PDE10A: variants seen among roughly 807,000 people sequenced by gnomAD.
PDE10A encodes cAMP and cAMP-inhibited cGMP 3',5'-cyclic phosphodiesterase 10A.
PDE10A carries 39 observed loss-of-function variants against 97.7 expected under a neutral mutation model. That is an observed-to-expected ratio of 0.40 (90% CI 0.31 to 0.52). PDE10A has a LOEUF of 0.52. PDE10A is among the 20% of genes least tolerant of loss of function. PDE10A has a pLI of 0.56. For synonymous variants in PDE10A, 371 were observed against 376.8 expected, an observed-to-expected ratio of 0.98 and a Z score of 0.18; for missense variants, 731 against 1,047.8, an observed-to-expected ratio of 0.70 and a Z score of 4.17.
intron 1 of PDE10A, among the ~76,000 whole-genome samples, chr6:165,923,204 G>A (rs766674078): frequency 3.9e-5 from 6 of 152,196 alleles, no homozygotes; most frequent in Non-Finnish European, 7.3e-5. Context: ...TACATGGTTA[G>A]ACAAAAGTAT....
At chr6:165,364,691 A>G (rs1400717141) in intron 18 of PDE10A, among the ~76,000 whole-genome samples, 3 of 152,074 alleles carry the variant, frequency 2.0e-5, no homozygotes, top group Non-Finnish European at 4.4e-5. Flanking sequence ...TGCTTTAACA[A>G]TCATCTTTTC....
At chr6:165,739,137 A>G (rs1792655019) in intron 1 of PDE10A, among the ~76,000 whole-genome samples, 2 of 152,332 alleles carry the variant, frequency 1.3e-5, no homozygotes, top group Admixed American at 6.5e-5. Context: ...AGAACAAAAA[A>G]TCCTAAAATT....
At chr6:165,563,106 C>G (rs1292718686) in intron 1 of PDE10A, among the ~76,000 whole-genome samples, 2 of 140,042 alleles carry the variant, frequency 1.4e-5, no homozygotes, top group Non-Finnish European at 3.0e-5. Context: ...AATTTCAGTA[C>G]TTATTATAAA....
At chr6:165,720,638 C>G (rs1414406303) in intron 1 of PDE10A, among the ~76,000 whole-genome samples, 1 of 152,128 alleles carries the variant, frequency 6.6e-6, no homozygotes, top group African/African-American at 2.4e-5. Flanking sequence ...AAATTAGCAC[C>G]CATCGATCTA....
chr6:165,405,201 C>T (rs557689012), intron 13 of PDE10A, among the ~76,000 whole-genome samples: 2 of 152,258 alleles, frequency 1.3e-5, no homozygotes, highest in South Asian at 2.1e-4. Context: ...TGCACCTCAG[C>T]GTATAGAAGA....
intron 1 of PDE10A, among the ~76,000 whole-genome samples, chr6:165,549,910 T>C (rs1783931475): frequency 6.6e-6 from 1 of 152,238 alleles, no homozygotes; most frequent in African/African-American, 2.4e-5. Flanking sequence ...AAGGATCTAT[T>C]GTAAGAATTA....
intron 1 of PDE10A, among the ~76,000 whole-genome samples, chr6:165,892,584 G>A (rs910697239): frequency 1.3e-5 from 2 of 152,134 alleles, no homozygotes; most frequent in Non-Finnish European, 2.9e-5. Context: ...TTGGACTTCC[G>A]GCTGTGTTGT....
chr6:165,638,027 G>T (rs11964907), intron 1 of PDE10A, among the ~76,000 whole-genome samples: 1 of 151,964 alleles, frequency 6.6e-6, no homozygotes, highest in African/African-American at 2.4e-5. Context: ...CTCGCCTGCC[G>T]TTAGCAGATG....
chr6:165,725,324 A>G (rs1363527995), intron 1 of PDE10A, among the ~76,000 whole-genome samples: 1 of 152,218 alleles, frequency 6.6e-6, no homozygotes, highest in Non-Finnish European at 1.5e-5. Flanking sequence ...TGGCAAAACA[A>G]AAAGAGCGCC....
At chr6:165,391,349 T>C (rs1368850460) in intron 16 of PDE10A, among the ~76,000 whole-genome samples, 3 of 152,236 alleles carry the variant, frequency 2.0e-5, no homozygotes. Flanking sequence ...TCAATATGTA[T>C]CAACAAAGTT....
chr6:165,472,482 T>C (rs569652143), intron 3 of PDE10A, among the ~76,000 whole-genome samples: 1 of 152,182 alleles, frequency 6.6e-6, no homozygotes, highest in Admixed American at 6.5e-5. Context: ...TTTCTTCTCA[T>C]ATTTCATTAA....
At chr6:165,902,082 T>C (rs373221310) in intron 1 of PDE10A, among the ~76,000 whole-genome samples, 1 of 67,740 alleles carries the variant, frequency 1.5e-5, no homozygotes, top group Admixed American at 1.7e-4. Context: ...CCAAATTGAA[T>C]AAAAACAAAT....
chr6:165,822,546 G>A (rs963568007), intron 1 of PDE10A, among the ~76,000 whole-genome samples: 1 of 152,240 alleles, frequency 6.6e-6, no homozygotes, highest in African/African-American at 2.4e-5. Flanking sequence ...AATACTTCAG[G>A]CAGTTGTAAC....
chr6:165,418,776 A>G lies in PDE10A; in HGVS notation c.1655T>C (p.Ile552Thr). The change falls in exon 11 of 22, where the codon ATA becomes ACA. Residue 552 changes from isoleucine (I) to threonine (T), a missense_variant and splice_region_variant. Coordinates refer to ENST00000539869, the MANE Select transcript of PDE10A (RefSeq NM_001385079.1). The surrounding 1 kb of genome is among the most constrained non-coding windows in gnomAD (Gnocchi z 4.8). Reference protein sequence around the residue: ...AIDSLLEHIMIYAKNLVNADR... With the variant: ...AIDSLLEHIMTYAKNLVNADR... ...GGCATTCACCAGGTTTTTTGCATAT[A>G]TCTAAAGACAAATGACAAAATAAGA... 6.2e-7 allele frequency: 1 copy of G among 1,612,162 alleles called. No homozygotes were observed. The highest frequency in any genetic ancestry group is 8.5e-7 in the Non-Finnish European group (1 of 1,179,224).
chr6:165,709,296 C>CCCA, intron 1 of PDE10A, among the ~76,000 whole-genome samples: 1 of 145,216 alleles, frequency 6.9e-6, no homozygotes, highest in Admixed American at 6.8e-5. Context: ...CTCTCCCCAC[C>CCCA]ATGCTGCGGC....
intron 1 of PDE10A, among the ~76,000 whole-genome samples, chr6:165,563,174 GA>G (rs963597803): frequency 1.4e-5 from 2 of 146,744 alleles, no homozygotes; most frequent in Non-Finnish European, 3.0e-5. Context: ...AAGAAGAGGG[GA>G]GGGGGAGGGG....
chr6:165,383,003 G>C (rs1235363906), intron 17 of PDE10A, among the ~76,000 whole-genome samples: 1 of 152,140 alleles, frequency 6.6e-6, no homozygotes, highest in Non-Finnish European at 1.5e-5. Context: ...ATTGTATCTA[G>C]TGCAGACGAA....
chr6:165,623,858 G>C (rs972637288), intron 1 of PDE10A, among the ~76,000 whole-genome samples: 2 of 152,162 alleles, frequency 1.3e-5, no homozygotes, highest in Admixed American at 6.5e-5. Flanking sequence ...TGAAATACCT[G>C]TCTGTTCCAA....
At chr6:165,605,651 C>T (rs12210507) in intron 1 of PDE10A, among the ~76,000 whole-genome samples, 15,106 of 152,146 alleles carry the variant, frequency 0.099, 935 homozygotes, top group Non-Finnish European at 0.13. Context: ...TGAAGCAACA[C>T]GGAAACCACA....
Sources: allele counts gnomAD v4.1 joint callset (sites outside exome capture counted in the v4.1 genomes callset), GRCh38; gene constraint gnomAD v4.1.1; non-coding constraint Gnocchi (gnomAD v3.1); transcripts MANE v1.5; gene names NCBI Gene and HGNC (gene_info 2026-07-23, HGNC 2026-07-21).